Variants in DCDC2 observed in about 807,000 individuals in gnomAD.
The protein encoded by DCDC2 is doublecortin domain containing 2.
In DCDC2, 40 loss-of-function variants were observed where a neutral mutation model predicts 50.2. The ratio of observed to expected loss-of-function variants is 0.80; its 90% CI spans 0.62 to 1.04. The LOEUF (loss-of-function observed/expected upper bound fraction) is 1.04. Among genes scored for constraint, DCDC2 ranks in the 50% least tolerant of loss-of-function variants. The pLI, the probability that DCDC2 is intolerant of heterozygous loss-of-function variation, is 0.00. For missense variants in DCDC2, 570 were observed against 581.9 expected (o/e 0.98, Z 0.21); for synonymous variants, 234 against 210.6 (o/e 1.11, Z -0.96).
chr6:24,293,320 T>C (rs942447166), intron 4 of DCDC2, among the ~76,000 whole-genome samples: 6 of 152,184 alleles, frequency 3.9e-5, no homozygotes, highest in Admixed American at 2.0e-4. Context: ...ACAAGAAACA[T>C]AAAAAGCAAG....
At chr6:24,302,701 A>G (rs1759404133) in intron 2 of DCDC2, among the ~76,000 whole-genome samples, 1 of 152,016 alleles carries the variant, frequency 6.6e-6, no homozygotes. Context: ...ACGGGGCCCC[A>G]TGAGCAGCCC....
At chr6:24,319,144 T>C (rs1407430316) in intron 2 of DCDC2, among the ~76,000 whole-genome samples, 1 of 152,198 alleles carries the variant, frequency 6.6e-6, no homozygotes, top group Non-Finnish European at 1.5e-5. Context: ...TAAGATGATA[T>C]CTCATTGCAT....
At chr6:24,223,608 G>A (rs566621636) in intron 7 of DCDC2, among the ~76,000 whole-genome samples, 2 of 152,290 alleles carry the variant, frequency 1.3e-5, no homozygotes, top group East Asian at 3.9e-4. Context: ...ATCCCCAAAA[G>A]AAAATTCTAC....
chr6:24,176,597 C>A lies in DCDC2; in HGVS notation c.1326+1733G>T, dbSNP rs553645548. 1.4e-4 allele frequency among the ~76,000 whole-genome samples: 22 copies of A among 152,266 alleles called. No homozygotes were observed. In the East Asian group the frequency reaches 4.2e-3, roughly 29 times the overall value. Reference sequence around the variant, plus strand: ...TTGAGTTAATTAACATACACCTTACCTCACATACTTATCTTTTGTGGTGAG... The same window carrying A: ...TTGAGTTAATTAACATACACCTTACATCACATACTTATCTTTTGTGGTGAG... On this transcript the variant is annotated intron_variant, in intron 9 of 9. Coordinates refer to ENST00000378454, the MANE Select transcript of DCDC2 (RefSeq NM_016356.5).
intron 2 of DCDC2, among the ~76,000 whole-genome samples, chr6:24,352,316 G>A (rs1375056647): frequency 1.3e-5 from 2 of 152,080 alleles, no homozygotes; most frequent in African/African-American, 2.4e-5. Flanking sequence ...AAACAGGTGT[G>A]TATCCTTTCA....
At chr6:24,292,099 C>G (rs113420031) in intron 4 of DCDC2, among the ~76,000 whole-genome samples, 18 of 152,078 alleles carry the variant, frequency 1.2e-4, no homozygotes, top group African/African-American at 4.3e-4. Flanking sequence ...ACTGCTGCTA[C>G]GAGCTACAAT....
intron 7 of DCDC2, among the ~76,000 whole-genome samples, chr6:24,273,906 A>G (rs182540813): frequency 6.6e-5 from 10 of 152,308 alleles, no homozygotes; most frequent in East Asian, 1.9e-4. Flanking sequence ...CCTGCTCCCA[A>G]TCAGTCATCA....
In DCDC2 at chr6:24,305,846, T is replaced by C. The variant is rs9460987; in HGVS notation, c.349-3802A>G. Among the ~76,000 whole-genome samples the C allele has an allele frequency of 5.0e-4, 76 of 152,076 alleles. 1 individual carries two copies. Among genetic ancestry groups the C allele is most frequent in the African/African-American group, 1.5e-3 (64 of 41,468 alleles). On this transcript the variant is annotated intron_variant, in intron 2 of 9. Transcript: ENST00000378454. ...AGTTCGAGACCAGCCATGGCCAACA[T>C]GGTGAAACCCCATCTCTACTAAAAA...
At chr6:24,376,495 C>G in the DCDC2 span, among the ~76,000 whole-genome samples, 9 of 152,178 alleles carry the variant, frequency 5.9e-5, no homozygotes, top group African/African-American at 2.2e-4. Context: ...GGAAATAGCA[C>G]CAAAGGGTGC....
intron 2 of DCDC2, 50 bp from the exon 3 acceptor site, chr6:24,302,094 T>A: frequency 6.6e-7 from 1 of 1,513,998 alleles, no homozygotes; most frequent in Non-Finnish European, 9.0e-7. Flanking sequence ...TATATTAGCT[T>A]TTTTTTTCCT....
rs757704417 is a variant in DCDC2, at chr6:24,357,626, GAC to G, written c.123_124del (p.Ser42GlnfsTer72). The G allele has an allele frequency of 1.5e-5, 24 of 1,613,384 alleles. No individual in the cohort carries two copies. The highest frequency in any genetic ancestry group is 1.9e-5 in the Non-Finnish European group (22 of 1,180,058). On this transcript the variant is annotated frameshift_variant, in exon 1 of 10. Transcript: ENST00000378454. LOFTEE classifies it high-confidence loss of function. ...CTCCTTCAGGAAGACTTCGAAGCTGGACACCTTCTTCTCATGGATGACGACGC... is the reference window on the plus strand; with the variant it reads ...CTCCTTCAGGAAGACTTCGAAGCTGGACCTTCTTCTCATGGATGACGACGC...
At chr6:24,374,969 C>T in the DCDC2 span, among the ~76,000 whole-genome samples, 1 of 152,182 alleles carries the variant, frequency 6.6e-6, no homozygotes, top group Non-Finnish European at 1.5e-5. Context: ...GAGACCCTGA[C>T]CCCACAGGGG....
chr6:24,268,162 T>C (rs867408537), intron 7 of DCDC2, among the ~76,000 whole-genome samples: 2 of 152,136 alleles, frequency 1.3e-5, no homozygotes, highest in African/African-American at 2.4e-5. Context: ...TAGTTGAACA[T>C]GAAACTCATT....
At chr6:24,252,044 A>C (rs1162826366) in intron 7 of DCDC2, among the ~76,000 whole-genome samples, 2 of 152,216 alleles carry the variant, frequency 1.3e-5, no homozygotes, top group Non-Finnish European at 2.9e-5. Context: ...ACAGCTTTGC[A>C]CACTAACATC....
chr6:24,190,146 C>T (rs1009644705), intron 8 of DCDC2, among the ~76,000 whole-genome samples: 7 of 151,584 alleles, frequency 4.6e-5, no homozygotes, highest in Non-Finnish European at 8.8e-5. Flanking sequence ...TATTCAGAGA[C>T]ATGACCCTGT....
intron 2 of DCDC2, among the ~76,000 whole-genome samples, chr6:24,319,100 T>C (rs1184472834): frequency 6.6e-6 from 1 of 152,132 alleles, no homozygotes; most frequent in Non-Finnish European, 1.5e-5. Context: ...TTTGTTGTTT[T>C]TTGACTTTTT....
intron 7 of DCDC2, among the ~76,000 whole-genome samples, chr6:24,253,060 G>A (rs940102736): frequency 3.3e-5 from 5 of 152,028 alleles, no homozygotes; most frequent in Admixed American, 1.3e-4. Context: ...AGGGAAATTC[G>A]TGGGCTTAAA....
At chr6:24,359,140 T>G (rs1416988679), upstream of DCDC2, among the ~76,000 whole-genome samples, 1 of 68,200 alleles carries the variant, frequency 1.5e-5, no homozygotes, top group African/African-American at 6.4e-5. Context: ...ATTTTATATA[T>G]ATTATATATT....
the DCDC2 span, among the ~76,000 whole-genome samples, chr6:24,380,834 C>T: frequency 6.6e-6 from 1 of 152,112 alleles, no homozygotes; most frequent in African/African-American, 2.4e-5. Flanking sequence ...TAGCTCATAC[C>T]TGTAATCCCA....
Sources: allele counts gnomAD v4.1 joint callset (sites outside exome capture counted in the v4.1 genomes callset), GRCh38; gene constraint gnomAD v4.1.1; transcripts MANE v1.5; gene names NCBI Gene and HGNC (gene_info 2026-07-23, HGNC 2026-07-21).